TLR3: variants seen among roughly 807,000 people sequenced by gnomAD.
The protein encoded by TLR3 is toll-like receptor 3.
In TLR3, 43 loss-of-function variants were observed where a neutral mutation model predicts 66.4. The ratio of observed to expected loss-of-function variants is 0.65; its 90% confidence interval spans 0.51 to 0.83. The LOEUF is 0.83. Ranked by LOEUF, TLR3 falls within the 40% of genes least tolerant of loss-of-function variation. TLR3 has a pLI of 0.00. For missense variants in TLR3, 982 were observed against 1,044.6 expected, an observed-to-expected ratio of 0.94 and a Z score of 0.83; for synonymous variants, 397 against 397.2, an observed-to-expected ratio of 1.00 and a Z score of 0.01.
Position 186,084,974 on chromosome 4 carries a change from C to T in TLR3, c.*101C>T, listed in dbSNP as rs185993189. 1.1e-6 allele frequency: 1 copy of T among 928,572 alleles called. No homozygotes were observed. Among genetic ancestry groups the T allele is most frequent in the East Asian group, 2.6e-5 (1 of 38,058 alleles). The allele number at this position is 928,572 out of a possible 1,614,324, so 57.5% of individuals were successfully genotyped here. ...ATAAAGGTGTTATAATTTGTTTATT[C>T]ATATTTGTAAATGATTATATTCTAT... On this transcript the variant is annotated 3_prime_UTR_variant, in exon 5 of 5. Coordinates refer to ENST00000296795, the MANE Select transcript of TLR3 (RefSeq NM_003265.3).
chr4:186,080,578 TTTA>T (rs2099303253), intron 3 of TLR3, among the ~76,000 whole-genome samples: 3 of 51,158 alleles, frequency 5.9e-5, no homozygotes, highest in African/African-American at 1.8e-4. Flanking sequence ...TAATCAATAT[TTTA>T]TTTTATTTTA....
chr4:186,076,987 C>T lies in TLR3; in HGVS notation c.368C>T (p.Thr123Met), dbSNP rs202236935. 4.2e-5 allele frequency: 67 copies of T among 1,614,040 alleles called. 1 individual carries two copies. The highest frequency in any genetic ancestry group is 3.1e-4 in the East Asian group (14 of 44,870). Residue 123 changes from threonine (T) to methionine (M), a missense_variant, in exon 2 of 5, where the codon ACG becomes ATG. By Grantham distance (81) the Thr-to-Met change is moderately conservative (BLOSUM62 -1). Around this residue, in one of 3 missense-constraint regions of TLR3, gnomAD observed 313 missense variants for 319.0 expected, o/e 0.98. Transcript: ENST00000296795. ...TCTGATAAAACCTTTGCCTTCTGCA[C>T]GAATTTGACTGAACTCCATCTCATG... ...QLSDKTFAFC[T>M]NLTELHLMSN... is the part of the protein sequence containing the mutation.
Position 186,085,146 on chromosome 4 carries a change from A to G in TLR3, c.*273A>G. ...TACAATCAGCCACTGAGCCTATGACAGCTTAAGGAGTTTGAAAACATTCCT... is the reference window on the plus strand; with the variant it reads ...TACAATCAGCCACTGAGCCTATGACGGCTTAAGGAGTTTGAAAACATTCCT... On this transcript the variant is annotated 3_prime_UTR_variant, in exon 5 of 5. Transcript: ENST00000296795. 1 of 415,726 alleles carries G rather than the reference A, an allele frequency of 2.4e-6. No homozygotes were observed. The allele number at this position is 415,726 out of a possible 1,614,324, so 25.8% of individuals were successfully genotyped here. A position where few individuals can be genotyped will look rare whatever the true frequency, so the allele number is the denominator to read the frequency against.
Position 186,076,994 on chromosome 4 carries a change from G to A in TLR3, c.375G>A (p.Leu125=), listed in dbSNP as rs2099302559. The A allele has an allele frequency of 6.2e-7, 1 of 1,613,976 alleles. No individual in the cohort carries two copies. Among genetic ancestry groups the A allele is most frequent in the Non-Finnish European group, 8.5e-7 (1 of 1,180,050 alleles). Residue 125 remains leucine, a synonymous_variant, in exon 2 of 5, where the codon TTG becomes TTA. Transcript: ENST00000296795. The part of the protein sequence containing the change: ...SDKTFAFCTN[L]TELHLMSNSI... Reference sequence around the variant, plus strand: ...AAACCTTTGCCTTCTGCACGAATTTGACTGAACTCCATCTCATGTCCAACT... The same window carrying A: ...AAACCTTTGCCTTCTGCACGAATTTAACTGAACTCCATCTCATGTCCAACT...
intron 2 of TLR3, among the ~76,000 whole-genome samples, chr4:186,078,239 A>G (rs1349603910): frequency 2.0e-5 from 3 of 152,184 alleles, no homozygotes; most frequent in Non-Finnish European, 4.4e-5. Flanking sequence ...TGAAGCATAC[A>G]TATTCAAAAA....
At position 186,083,384 on chromosome 4, in the gene TLR3, C is replaced by T. The variant is rs143330461; in HGVS notation, c.1698C>T (p.Ile566=). ...TAAAGGGTCTGTCTCACCTCCACAT[C>T]CTTAACTTGGAGTCCAACGGCTTTG... ...YFLKGLSHLH[I]LNLESNGFDE... Residue 566 remains isoleucine, a synonymous_variant, in exon 4 of 5, where the codon ATC becomes ATT. Coordinates refer to ENST00000296795, the MANE Select transcript of TLR3 (RefSeq NM_003265.3). The surrounding 1 kb of genome is among the most constrained non-coding windows in gnomAD (Gnocchi z 4.0). The T allele has an allele frequency of 6.8e-6, 11 of 1,614,046 alleles. No homozygotes were observed. The highest frequency in any genetic ancestry group is 9.3e-6 in the Non-Finnish European group (11 of 1,180,044).
intron 3 of TLR3, chr4:186,082,083 G>A (rs764492541): frequency 8.6e-5 from 45 of 522,274 alleles, no homozygotes; most frequent in Non-Finnish European, 1.4e-4. Context: ...AACTTAGCTG[G>A]ACGTGGTGGC....
Position 186,086,973 on chromosome 4 carries a change from C to T in TLR3, c.*2100C>T, listed in dbSNP as rs185834937. The T allele has an allele frequency of 3.9e-5, 6 of 152,306 alleles. No individual in the cohort carries two copies. Among genetic ancestry groups the T allele is most frequent in the Admixed American group, 2.0e-4 (3 of 15,302 alleles). The allele number at this position is 152,306 out of a possible 1,614,324, so 9.4% of individuals were successfully genotyped here. A position where few individuals can be genotyped will look rare whatever the true frequency, so the allele number is the denominator to read the frequency against. On this transcript the variant is annotated 3_prime_UTR_variant, in exon 5 of 5. Transcript: ENST00000296795. ...TACAGGATTTTCTGGGGTTTAAATA[C>T]TCTCTAGAGGTTTCCATTGGTTACT...
rs776383240 is a variant in TLR3 at position 186,087,663 on chromosome 4, T to C, written c.*2790T>C. The C allele has an allele frequency of 6.6e-6, 1 of 152,178 alleles. No homozygotes were observed. The highest frequency in any genetic ancestry group is 1.5e-5 in the Non-Finnish European group (1 of 68,038). The allele number at this position is 152,178 out of a possible 1,614,324, so 9.4% of individuals were successfully genotyped here. On this transcript the variant is annotated 3_prime_UTR_variant, in exon 5 of 5. Coordinates refer to ENST00000296795, the MANE Select transcript of TLR3 (RefSeq NM_003265.3). ...GTAATCAGAGGTAGATGCTATCAAT[T>C]TGTTAGTGAGGAGGGGAGGAGTTTT...
intron 1 of TLR3, among the ~76,000 whole-genome samples, chr4:186,071,075 A>G (rs1457558822): frequency 6.6e-6 from 1 of 152,192 alleles, no homozygotes; most frequent in African/African-American, 2.4e-5. Context: ...CCAGTGGTTC[A>G]TGTTACTGAT....
chr4:186,080,876 G>C (rs2099303307), intron 3 of TLR3, among the ~76,000 whole-genome samples: 2 of 152,154 alleles, frequency 1.3e-5, no homozygotes, highest in South Asian at 4.1e-4. Flanking sequence ...ACAGGCGTGA[G>C]CCACCGCGCC....
chr4:186,082,807 T>C lies in TLR3; in HGVS notation c.1121T>C (p.Met374Thr), dbSNP rs1340383880. Residue 374 changes from methionine (M) to threonine (T), a missense_variant, in exon 4 of 5, where the codon ATG (methionine) becomes ACG (threonine). By Grantham distance (81) the Met-to-Thr change is moderately conservative. This residue lies in a region of TLR3 where 666 missense variants were observed against 709.0 expected (regional missense o/e 0.94). Coordinates refer to ENST00000296795, the MANE Select transcript of TLR3 (RefSeq NM_003265.3). The part of the protein sequence containing the change: ...DNDIPGIKSN[M>T]FTGLINLKYL... ...GATATTCCAGGCATAAAAAGCAATA[T>C]GTTCACAGGATTGATAAACCTGAAA... The C allele has an allele frequency of 2.5e-6, 4 of 1,614,170 alleles. No individual in the cohort carries two copies. The highest frequency in any genetic ancestry group is 3.4e-6 in the Non-Finnish European group (4 of 1,180,028).
chr4:186,076,805 A>G lies in TLR3; in HGVS notation c.186A>G (p.Gln62=), dbSNP rs1579727099. 6.2e-7 allele frequency: 1 copy of G among 1,613,974 alleles called. No homozygotes were observed. The highest frequency in any genetic ancestry group is 1.1e-5 in the South Asian group (1 of 91,074). Residue 62 remains glutamine (Q), a synonymous_variant, in exon 2 of 5, where the codon CAA becomes CAG. Coordinates refer to ENST00000296795, the MANE Select transcript of TLR3 (RefSeq NM_003265.3). Reference sequence around the variant, plus strand: ...CAGTGTTGAACCTTACCCATAATCAACTCAGAAGATTACCAGCCGCCAACT... The same window carrying G: ...CAGTGTTGAACCTTACCCATAATCAGCTCAGAAGATTACCAGCCGCCAACT... ...NITVLNLTHN[Q]LRRLPAANFT...
Position 186,084,052 on chromosome 4 carries a change from A to G in TLR3, c.2366A>G (p.Glu789Gly), listed in dbSNP as rs754449161. ...KEDQSLKFCLEERDFEAGVFE... is the reference protein window; with the variant it reads ...KEDQSLKFCLGERDFEAGVFE... ...GACCAATCTCTCAAATTTTGTCTGG[A>G]AGAAAGGGACTTTGAGGCGGGTGTT... is the stretch of plus-strand genomic sequence containing the variant. Residue 789 changes from glutamate to glycine, a missense_variant, in exon 4 of 5, where the codon GAA becomes GGA. Physicochemically the swap from Glu to Gly is moderately conservative, Grantham distance 98 (BLOSUM62 -2). Transcript: ENST00000296795. 3.1e-6 allele frequency: 5 copies of G among 1,614,200 alleles called. No homozygotes were observed. The highest frequency in any genetic ancestry group is 4.2e-6 in the Non-Finnish European group (5 of 1,180,028).
At chr4:186,081,992 T>C (rs1007481181) in intron 3 of TLR3, 18 of 317,848 alleles carry the variant, frequency 5.7e-5, no homozygotes, top group South Asian at 4.3e-4. Context: ...TTTGGGAGGC[T>C]GAGGCGGGCG....
rs759638706 is a variant in TLR3 at position 186,083,884 on chromosome 4, A to G, written c.2198A>G (p.Tyr733Cys). The change falls in exon 4 of 5, where the codon TAT becomes TGT. Residue 733 changes from tyrosine to cysteine, a missense_variant. Around this residue, in one of 3 missense-constraint regions of TLR3, gnomAD observed 666 missense variants for 709.0 expected, o/e 0.94. Coordinates refer to ENST00000296795, the MANE Select transcript of TLR3 (RefSeq NM_003265.3). The surrounding 1 kb of genome is among the most constrained non-coding windows in gnomAD (Gnocchi z 4.0). Reference protein sequence around the residue: ...IHFEGWRISFYWNVSVHRVLG... With the variant: ...IHFEGWRISFCWNVSVHRVLG... The stretch of plus-strand genomic sequence containing the variant: ...TTTGAGGGCTGGAGGATATCTTTTT[A>G]TTGGAATGTTTCAGTACATCGAGTT... 2 of 1,613,970 alleles carry G rather than the reference A, an allele frequency of 1.2e-6. No individual in the cohort carries two copies. Among genetic ancestry groups the G allele is most frequent in the Non-Finnish European group, 1.7e-6 (2 of 1,180,002 alleles).
intron 1 of TLR3, among the ~76,000 whole-genome samples, chr4:186,074,684 AC>A (rs2099302143): frequency 6.6e-6 from 1 of 152,238 alleles, no homozygotes; most frequent in African/African-American, 2.4e-5. Context: ...ATTTTTCAAA[AC>A]TTTTTGACTC....
At chr4:186,075,914 G>A (rs1463648889) in intron 1 of TLR3, among the ~76,000 whole-genome samples, 1 of 152,220 alleles carries the variant, frequency 6.6e-6, no homozygotes, top group African/African-American at 2.4e-5. Context: ...CCAGCACTTT[G>A]GGAGGCTGAA....
chr4:186,075,440 A>G (rs1207423769), intron 1 of TLR3, among the ~76,000 whole-genome samples: 1 of 152,118 alleles, frequency 6.6e-6, no homozygotes, highest in Non-Finnish European at 1.5e-5. Context: ...TGGGCAACAT[A>G]GCAAGACCCT....
Sources: gnomAD v4.1 joint callset for allele counts (sites outside exome capture counted in the v4.1 genomes callset) on GRCh38, gnomAD v4.1.1 for gene constraint, gnomAD v4.1.1 regional missense constraint, Gnocchi (gnomAD v3.1) non-coding constraint, MANE v1.5 for transcripts, NCBI Gene and HGNC (gene_info 2026-07-23, HGNC 2026-07-21) for gene names.